Variants in MET observed in about 807,000 individuals in gnomAD.
MET encodes hepatocyte growth factor receptor.
In MET, 48 loss-of-function variants were observed where a neutral mutation model predicts 133.1. That is an observed-to-expected ratio of 0.36 (90% CI 0.29 to 0.46). The LOEUF (loss-of-function observed/expected upper bound fraction) is 0.46. Among genes scored for constraint, MET ranks in the 20% least tolerant of loss-of-function variants. MET has a pLI of 1.00. For missense variants in MET, 1,442 were observed against 1,695.9 expected, an observed-to-expected ratio of 0.85 and a Z score of 2.63; for synonymous variants, 628 against 616.5, an observed-to-expected ratio of 1.02 and a Z score of -0.28.
chr7:116,785,231 C>T (rs1795276316), intron 19 of MET, among the ~76,000 whole-genome samples: 1 of 152,204 alleles, frequency 6.6e-6, no homozygotes, highest in African/African-American at 2.4e-5. Flanking sequence ...CTTTTCCAGG[C>T]ACACGGTGCA....
intron 5 of MET, among the ~76,000 whole-genome samples, chr7:116,745,284 A>G (rs1793623905): frequency 1.3e-5 from 2 of 152,214 alleles, no homozygotes; most frequent in Admixed American, 1.3e-4. Flanking sequence ...AAAAGAGGAT[A>G]CAAACAAATG....
chr7:116,778,810 G>A lies in MET; in HGVS notation c.3375G>A (p.Leu1125=), dbSNP rs2117045440. The change falls in exon 17 of 21, where the codon CTG becomes CTA. Residue 1125 remains leucine (L), a synonymous_variant. Coordinates refer to ENST00000397752, the MANE Select transcript of MET (RefSeq NM_000245.4). ...ACATAGGAGAAGTTTCCCAATTTCT[G>A]ACCGAGGGAATCATCATGAAAGATT... The part of the protein sequence containing the change: ...ITDIGEVSQF[L]TEGIIMKDFS... 1 of 1,614,010 alleles carries A rather than the reference G, an allele frequency of 6.2e-7. No homozygotes were observed. Among genetic ancestry groups the A allele is most frequent in the African/African-American group, 1.3e-5 (1 of 75,042 alleles).
chr7:116,738,786 G>A (rs1231115092), intron 3 of MET, among the ~76,000 whole-genome samples: 1 of 152,126 alleles, frequency 6.6e-6, no homozygotes, highest in Admixed American at 6.5e-5. Flanking sequence ...TTGTTCCCCA[G>A]AACATTTATA....
intron 3 of MET, among the ~76,000 whole-genome samples, chr7:116,735,501 C>A (rs1253722469): frequency 1.3e-5 from 2 of 152,156 alleles, no homozygotes; most frequent in Admixed American, 6.5e-5. Context: ...GTGCCCCCAT[C>A]GTGGCATGTC....
rs1294994065 is a variant in MET, at chr7:116,699,848, G to A, written c.764G>A (p.Ser255Asn). Residue 255 changes from serine to asparagine, a missense_variant, in exon 2 of 21, where the codon AGC (serine) becomes AAC (asparagine). Transcript: ENST00000397752. The stretch of plus-strand genomic sequence containing the variant: ...ATTAAGTATGTCCATGCCTTTGAAA[G>A]CAACAATTTTATTTACTTCTTGACG... ...YPIKYVHAFE[S>N]NNFIYFLTVQ... is the part of the protein sequence containing the mutation. 1 of 1,614,072 alleles carries A rather than the reference G, an allele frequency of 6.2e-7. No individual in the cohort carries two copies. Among genetic ancestry groups the A allele is most frequent in the South Asian group, 1.1e-5 (1 of 91,086 alleles).
intron 11 of MET, among the ~76,000 whole-genome samples, chr7:116,767,248 G>T (rs764901343): frequency 1.3e-5 from 2 of 152,162 alleles, no homozygotes; most frequent in Non-Finnish European, 2.9e-5. Context: ...TCAGACATGA[G>T]TCCCCGGGTG....
chr7:116,681,767 A>C (rs1796368484), intron 1 of MET, among the ~76,000 whole-genome samples: 1 of 152,202 alleles, frequency 6.6e-6, no homozygotes, highest in African/African-American at 2.4e-5. Flanking sequence ...CTGTGGTCTC[A>C]CAACCATCTG....
chr7:116,723,483 G>A (rs1263251532), intron 2 of MET, among the ~76,000 whole-genome samples: 4 of 152,170 alleles, frequency 2.6e-5, no homozygotes, highest in Admixed American at 1.3e-4. Flanking sequence ...CTCTCAGCTC[G>A]CCAAAGTCAT....
chr7:116,693,238 TCCAC>T (rs1796837467), intron 1 of MET, among the ~76,000 whole-genome samples: 1 of 152,202 alleles, frequency 6.6e-6, no homozygotes, highest in South Asian at 2.1e-4. Flanking sequence ...GTTCTTTAGT[TCCAC>T]CCAGGAGTAT....
intron 15 of MET, 65 bp downstream of exon 15, chr7:116,775,176 T>G: frequency 6.7e-7 from 1 of 1,501,230 alleles, no homozygotes; most frequent in South Asian, 1.1e-5. Context: ...TCTTTGGCCT[T>G]TGCAGATTAG....
intron 3 of MET, among the ~76,000 whole-genome samples, chr7:116,739,329 A>G (rs1793355517): frequency 6.6e-6 from 1 of 152,246 alleles, no homozygotes; most frequent in South Asian, 2.1e-4. Context: ...ATCAGGCCTT[A>G]TTTTAAAGCC....
intron 2 of MET, among the ~76,000 whole-genome samples, chr7:116,714,738 C>G (rs1442854793): frequency 7.9e-6 from 1 of 127,314 alleles, no homozygotes; most frequent in East Asian, 2.6e-4. Context: ...TAAACACTCA[C>G]ATGCACGCAC....
chr7:116,716,516 A>AGAAAGAAG (rs1554383538), intron 2 of MET, among the ~76,000 whole-genome samples: 7 of 149,182 alleles, frequency 4.7e-5, no homozygotes, highest in Non-Finnish European at 6.0e-5. Flanking sequence ...AAAGAAAGAA[A>AGAAAGAAG]GAAAGAAAGA....
chr7:116,741,717 A>T (rs1195889928), intron 5 of MET, among the ~76,000 whole-genome samples: 2 of 152,200 alleles, frequency 1.3e-5, no homozygotes, highest in Non-Finnish European at 2.9e-5. Context: ...GGCTCAACGG[A>T]TGACTATACT....
intron 2 of MET, among the ~76,000 whole-genome samples, chr7:116,704,491 T>C (rs1019756093): frequency 6.6e-6 from 1 of 152,144 alleles, no homozygotes; most frequent in Non-Finnish European, 1.5e-5. Flanking sequence ...AATACTTGCG[T>C]AAAGAAAGAC....
At chr7:116,716,733 G>A (rs1379917310) in intron 2 of MET, among the ~76,000 whole-genome samples, 1 of 152,196 alleles carries the variant, frequency 6.6e-6, no homozygotes, top group African/African-American at 2.4e-5. Flanking sequence ...GCTGGTCCTC[G>A]GAAGAGATGG....
rs1203476400 is a variant in MET at position 116,699,697 on chromosome 7, T to G, written c.613T>G (p.Tyr205Asp). 1 of 1,613,930 alleles carries G rather than the reference T, an allele frequency of 6.2e-7. No individual in the cohort carries two copies. The highest frequency in any genetic ancestry group is 8.5e-7 in the Non-Finnish European group (1 of 1,179,986). ...TGTAGGCAATACCATAAATTCTTCT[T>G]ATTTCCCAGATCATCCATTGCATTC... Reference protein sequence around the residue: ...FFVGNTINSSYFPDHPLHSIS... With the variant: ...FFVGNTINSSDFPDHPLHSIS... Residue 205 changes from tyrosine to aspartate, a missense_variant, in exon 2 of 21, where the codon TAT (tyrosine) becomes GAT (aspartate). Physicochemically the swap from Tyr to Asp is radical, Grantham distance 160. Transcript: ENST00000397752.
At chr7:116,745,643 G>A (rs552028655) in intron 5 of MET, among the ~76,000 whole-genome samples, 34 of 152,300 alleles carry the variant, frequency 2.2e-4, no homozygotes, top group African/African-American at 7.7e-4. Context: ...ACAACTATCT[G>A]ATCTTTGACA....
intron 5 of MET, among the ~76,000 whole-genome samples, chr7:116,752,918 G>A (rs1362282691): frequency 6.6e-6 from 1 of 152,166 alleles, no homozygotes; most frequent in Non-Finnish European, 1.5e-5. Context: ...GACTGCCTCA[G>A]GCTGAAGAGA....
Sources: gnomAD v4.1 joint callset for allele counts (sites outside exome capture counted in the v4.1 genomes callset) on GRCh38, gnomAD v4.1.1 for gene constraint, MANE v1.5 for transcripts, NCBI Gene and HGNC (gene_info 2026-07-23, HGNC 2026-07-21) for gene names.